The following MGST2 variants were observed in gnomAD, a reference collection of about 807,000 sequenced individuals.
MGST2 encodes glutathione peroxidase MGST2.
Under a neutral mutation model 16.6 loss-of-function variants are expected in MGST2, and 9 were observed. The ratio of observed to expected loss-of-function variants is 0.54; its 90% CI spans 0.33 to 0.95. The LOEUF (loss-of-function observed/expected upper bound fraction) is 0.95, where lower values mean the gene tolerates loss of function less well. Ranked by LOEUF, MGST2 falls within the 40% of genes least tolerant of loss-of-function variation. The pLI is 0.03. For synonymous variants in MGST2, 79 were observed against 68.0 expected, an observed-to-expected ratio of 1.16 and a Z score of -0.79; for missense variants, 159 against 175.1, an observed-to-expected ratio of 0.91 and a Z score of 0.52.
chr4:139,671,110 T>A (rs942320787), intron 1 of MGST2, among the ~76,000 whole-genome samples: 2 of 152,180 alleles, frequency 1.3e-5, no homozygotes, highest in African/African-American at 4.8e-5. Context: ...GTTAGTCTTA[T>A]GATCCCCATT....
chr4:139,696,710 T>C (rs1259488823), intron 3 of MGST2, among the ~76,000 whole-genome samples: 1 of 152,218 alleles, frequency 6.6e-6, no homozygotes, highest in African/African-American at 2.4e-5. Context: ...GTACACAGTG[T>C]TCTTCAGCAA....
rs1331533026 is a variant in MGST2 at position 139,703,526 on chromosome 4, G to A, written c.301G>A (p.Ala101Thr). 1.3e-5 allele frequency: 21 copies of A among 1,613,654 alleles called. No homozygotes were observed. Among genetic ancestry groups the A allele is most frequent in the Non-Finnish European group, 1.8e-5 (21 of 1,179,816 alleles). The change falls in exon 4 of 5, where the codon GCT becomes ACT. Residue 101 changes from alanine to threonine, a missense_variant. Ala to Thr is a moderately conservative substitution (Grantham distance 58, BLOSUM62 0). Coordinates refer to ENST00000265498, the MANE Select transcript of MGST2 (RefSeq NM_002413.5). ...HLYFWGYSEA[A>T]KKRITGFRLS... ...ATACTTCTGGGGATATTCAGAAGCT[G>A]CTAAAAAACGGTAAGGAGAACCCAG...
At chr4:139,705,121 G>A (rs1364720381), downstream of MGST2, among the ~76,000 whole-genome samples, 1 of 152,086 alleles carries the variant, frequency 6.6e-6, no homozygotes, top group Non-Finnish European at 1.5e-5. Flanking sequence ...GGGCTCAAGC[G>A]AGCCTCCTGC....
intron 5 of MGST2, chr4:139,719,677 G>T (rs1485384828): frequency 6.2e-7 from 1 of 1,613,268 alleles, no homozygotes. Context: ...CAGCTGGGTT[G>T]AGGGTCCTCA....
intron 2 of MGST2, among the ~76,000 whole-genome samples, chr4:139,681,739 T>C (rs1237481378): frequency 6.6e-6 from 1 of 152,234 alleles, no homozygotes; most frequent in Non-Finnish European, 1.5e-5. Context: ...CATTTGTATT[T>C]ATTATTTACC....
At chr4:139,743,820 T>C (rs56864961), downstream of MGST2, among the ~76,000 whole-genome samples, 35,493 of 152,202 alleles carry the variant, frequency 0.23, 4,421 homozygotes, top group Admixed American at 0.35. Flanking sequence ...CAATCTTGAT[T>C]TCTTTTTTCT....
chr4:139,752,108 C>T, the MGST2 span, among the ~76,000 whole-genome samples: 1 of 152,166 alleles, frequency 6.6e-6, no homozygotes, highest in East Asian at 1.9e-4. Flanking sequence ...GATACTTCAG[C>T]AATTTCTACA....
intron 2 of MGST2, among the ~76,000 whole-genome samples, chr4:139,681,331 A>C (rs79195557): frequency 6.6e-6 from 1 of 151,992 alleles, no homozygotes; most frequent in South Asian, 2.1e-4. Context: ...AATATTTTTT[A>C]ATATTATTTC....
At chr4:139,690,826 A>G (rs2110863109) in intron 2 of MGST2, among the ~76,000 whole-genome samples, 1 of 152,332 alleles carries the variant, frequency 6.6e-6, no homozygotes, top group South Asian at 2.1e-4. Context: ...AGTTTGGGCC[A>G]TCCTTACTGC....
At chr4:139,739,171 G>A (rs562271598) in intron 5 of MGST2, among the ~76,000 whole-genome samples, 1 of 152,308 alleles carries the variant, frequency 6.6e-6, no homozygotes, top group Non-Finnish European at 1.5e-5. Flanking sequence ...GGTATAACTG[G>A]AGATGACAAA....
intron 5 of MGST2, among the ~76,000 whole-genome samples, chr4:139,727,361 C>G (rs1728515351): frequency 6.6e-6 from 1 of 152,210 alleles, no homozygotes; most frequent in Non-Finnish European, 1.5e-5. Context: ...GTAAGCTGAG[C>G]ATTTAACAGC....
At chr4:139,752,807 G>A in the MGST2 span, among the ~76,000 whole-genome samples, 1 of 152,256 alleles carries the variant, frequency 6.6e-6, no homozygotes, top group African/African-American at 2.4e-5. Context: ...ATAATTTTAA[G>A]GGAAAAAAAT....
At chr4:139,741,391 G>T (rs377072562), downstream of MGST2, among the ~76,000 whole-genome samples, 11 of 152,220 alleles carry the variant, frequency 7.2e-5, no homozygotes, top group East Asian at 3.9e-4. Context: ...TTCGAACAAG[G>T]TTTTACATAT....
chr4:139,706,996 G>A (rs1408202598), downstream of MGST2, among the ~76,000 whole-genome samples: 2 of 152,156 alleles, frequency 1.3e-5, no homozygotes, highest in African/African-American at 4.8e-5. Context: ...GTCAGGAAGT[G>A]GGGGATAGAG....
Position 139,702,844 on chromosome 4 carries a change from G to GTTTTTTTTT in MGST2, c.230-593_230-585dup, listed in dbSNP as rs70943436. 2.2e-3 allele frequency among the ~76,000 whole-genome samples: 100 copies of GTTTTTTTTT among 46,430 alleles called. 7 individuals are homozygous for GTTTTTTTTT. Among genetic ancestry groups the GTTTTTTTTT allele is most frequent in the African/African-American group, 4.4e-3 (71 of 16,078 alleles). 30.5% of individuals were successfully genotyped at this position (46,430 alleles called of 152,430 possible). ...TCCTCACCAACATTTTGTGTTACTG[G>GTTTTTTTTT]TTTTTTTTTTTTTTTTTTTTTTTTT... On this transcript the variant is annotated intron_variant, in intron 3 of 4. Transcript: ENST00000265498.
At chr4:139,709,514 A>C (rs1560760062) in intron 5 of MGST2, among the ~76,000 whole-genome samples, 1 of 152,198 alleles carries the variant, frequency 6.6e-6, no homozygotes, top group East Asian at 1.9e-4. Flanking sequence ...CTGTGTCCTG[A>C]GGCATTAAGG....
intron 5 of MGST2, chr4:139,719,547 G>A (rs759284572): frequency 6.2e-7 from 1 of 1,613,868 alleles, no homozygotes; most frequent in South Asian, 1.1e-5. Flanking sequence ...TGCTGTGCTG[G>A]GGGCTGGCTG....
At chr4:139,707,213 C>G (rs576565290), downstream of MGST2, among the ~76,000 whole-genome samples, 2 of 151,948 alleles carry the variant, frequency 1.3e-5, no homozygotes, top group Non-Finnish European at 2.9e-5. Flanking sequence ...CTCCCCACCC[C>G]ACAACAGTCC....
chr4:139,674,088 A>G (rs1198858248), intron 1 of MGST2, among the ~76,000 whole-genome samples: 1 of 152,214 alleles, frequency 6.6e-6, no homozygotes, highest in African/African-American at 2.4e-5. Context: ...GCTAAAAAGT[A>G]TCTGAGACAA....
Sources: gnomAD v4.1 joint callset for allele counts (sites outside exome capture counted in the v4.1 genomes callset) on GRCh38, gnomAD v4.1.1 for gene constraint, MANE v1.5 for transcripts, NCBI Gene and HGNC (gene_info 2026-07-23, HGNC 2026-07-21) for gene names.